OLFM1: variants seen among roughly 807,000 people sequenced by gnomAD.
OLFM1 encodes noelin.
Under a neutral mutation model 49.7 loss-of-function variants are expected in OLFM1, and 9 were observed. The ratio of observed to expected loss-of-function variants is 0.18; its 90% CI spans 0.11 to 0.32. The LOEUF is 0.32. Ranked by LOEUF, OLFM1 falls within the 10% of genes least tolerant of loss-of-function variation. OLFM1 has a pLI of 1.00. For missense variants in OLFM1, 369 were observed against 661.8 expected (o/e 0.56, Z 4.85); for synonymous variants, 240 against 271.8 (o/e 0.88, Z 1.15).
chr9:135,079,073 T>C (rs1830501898), intron 1 of OLFM1, among the ~76,000 whole-genome samples: 1 of 152,216 alleles, frequency 6.6e-6, no homozygotes, highest in South Asian at 2.1e-4. Flanking sequence ...ACTCGGTCAA[T>C]TCTGGGCTTA....
chr9:135,111,644 G>A (rs997086066), intron 5 of OLFM1, among the ~76,000 whole-genome samples: 3 of 152,192 alleles, frequency 2.0e-5, no homozygotes, highest in African/African-American at 7.2e-5. Flanking sequence ...GCTGGGCACA[G>A]AGGTTCGGAG....
upstream of OLFM1, chr9:135,086,815 G>T (rs913906028): frequency 4.4e-5 from 19 of 434,118 alleles, no homozygotes; most frequent in African/African-American, 2.6e-4. Context: ...TGACTCGAGC[G>T]CCACCCCTGA....
chr9:135,101,699 G>A (rs565280187), intron 4 of OLFM1, among the ~76,000 whole-genome samples: 68 of 152,186 alleles, frequency 4.5e-4, no homozygotes, highest in Non-Finnish European at 7.8e-4. Flanking sequence ...TGAGCTGGGC[G>A]TGGGGCCCTC....
At chr9:135,077,614 C>T (rs1461397688) in intron 1 of OLFM1, among the ~76,000 whole-genome samples, 4 of 152,194 alleles carry the variant, frequency 2.6e-5, no homozygotes, top group Admixed American at 2.6e-4. Flanking sequence ...GCTCCGCCAG[C>T]CCACAGCCTC....
intron 1 of OLFM1, chr9:135,075,880 C>T: frequency 7.0e-7 from 1 of 1,436,748 alleles, no homozygotes; most frequent in Admixed American, 2.2e-5. Flanking sequence ...AGTCCGGGAA[C>T]GGCTCTGGCT....
chr9:135,087,822 C>A lies in OLFM1; in HGVS notation c.-168C>A. 2 of 884,478 alleles carry A rather than the reference C, an allele frequency of 2.3e-6. No homozygotes were observed. Among genetic ancestry groups the A allele is most frequent in the Non-Finnish European group, 2.7e-6 (2 of 740,568 alleles). The allele number at this position is 884,478 out of a possible 1,614,324, so 54.8% of individuals were successfully genotyped here. A position where few individuals can be genotyped will look rare whatever the true frequency, so the allele number is the denominator to read the frequency against. The stretch of plus-strand genomic sequence containing the variant: ...GCGCCCGGGGAAGGCGCGGCGATGG[C>A]CGGGGCGCGCGGGGCGGCGGCGGCG... On this transcript the variant is annotated 5_prime_UTR_variant, in exon 1 of 6. Transcript: ENST00000371793.
At chr9:135,075,745 G>A (rs968319848) in exon 1 of OLFM1, 8 of 1,605,644 alleles carry the variant, frequency 5.0e-6, no homozygotes, top group Non-Finnish European at 6.8e-6. Context: ...ACATGCACCC[G>A]GCCCGGAAGC....
chr9:135,077,254 G>C (rs1830480556), intron 1 of OLFM1: 1 of 1,460,628 alleles, frequency 6.8e-7, no homozygotes, highest in Non-Finnish European at 9.1e-7. Context: ...GGCTATGCCT[G>C]TGTCTTATTG....
chr9:135,108,985 G>C (rs1445236890), intron 5 of OLFM1, among the ~76,000 whole-genome samples: 2 of 152,022 alleles, frequency 1.3e-5, no homozygotes, highest in Non-Finnish European at 2.9e-5. Context: ...CCACTATGCA[G>C]AGCAGGAAAA....
At position 135,090,284 on chromosome 9, in the gene OLFM1, A is replaced by G; in HGVS notation, c.240A>G (p.Pro80=). Residue 80 remains proline, a synonymous_variant, in exon 2 of 6, where the codon CCA becomes CCG. Transcript: ENST00000371793. ...EGRCICTVVA[P]QQTMCSRDAR... The stretch of plus-strand genomic sequence containing the variant: ...GGTGTATCTGCACAGTGGTCGCTCC[A>G]CAGCAGACCATGTGTTCACGGGATG... 1 of 1,614,064 alleles carries G rather than the reference A, an allele frequency of 6.2e-7. No homozygotes were observed. Among genetic ancestry groups the G allele is most frequent in the Non-Finnish European group, 8.5e-7 (1 of 1,180,024 alleles).
At chr9:135,087,625 C>G, upstream of OLFM1, 1 of 638,680 alleles carries the variant, frequency 1.6e-6, no homozygotes, top group Non-Finnish European at 2.2e-6. Context: ...GGCCGAGCCC[C>G]GCCTCCCGGC....
At chr9:135,112,526 GCTTGGGGCCCAGC>G in intron 5 of OLFM1, among the ~76,000 whole-genome samples, 1 of 152,322 alleles carries the variant, frequency 6.6e-6, no homozygotes, top group East Asian at 1.9e-4. Context: ...CCTTGATGGA[GCTTGGGGCCCAGC>G]CTTGGGGCTC....
intron 1 of OLFM1, among the ~76,000 whole-genome samples, chr9:135,082,264 G>C (rs900190270): frequency 6.6e-6 from 1 of 152,218 alleles, no homozygotes; most frequent in Non-Finnish European, 1.5e-5. Context: ...TCCACATTCA[G>C]ATCAGCAGTT....
chr9:135,116,412 T>A (rs11791279), intron 5 of OLFM1, among the ~76,000 whole-genome samples: 22,797 of 151,972 alleles, frequency 0.15, 1,930 homozygotes, highest in African/African-American at 0.23. Flanking sequence ...TCCTGTGTCA[T>A]TTTGCTGGTG....
At position 135,120,701 on chromosome 9, in the gene OLFM1, C is replaced by G. The variant is rs1831174859; in HGVS notation, c.*523C>G. Reference sequence around the variant, plus strand: ...CTGAGGCTCCACATAGCTCCTGGACCTGTGTCTAGTACATACTGAAGCGAT... The same window carrying G: ...CTGAGGCTCCACATAGCTCCTGGACGTGTGTCTAGTACATACTGAAGCGAT... On this transcript the variant is annotated 3_prime_UTR_variant, in exon 6 of 6. Transcript: ENST00000371793. The G allele has an allele frequency of 3.6e-5, 6 of 167,786 alleles. No individual in the cohort carries two copies. Among genetic ancestry groups the G allele is most frequent in the Admixed American group, 3.4e-4 (6 of 17,664 alleles). 10.4% of individuals were successfully genotyped at this position (167,786 alleles called of 1,614,324 possible).
At position 135,120,560 on chromosome 9, in the gene OLFM1, T is replaced by C; in HGVS notation, c.*382T>C. ...TTAGATCGTGGTCAGCTCCGAGGAATGTGGCGTCCAGGCTCTTTGAGAGCC... is the reference window on the plus strand; with the variant it reads ...TTAGATCGTGGTCAGCTCCGAGGAACGTGGCGTCCAGGCTCTTTGAGAGCC... On this transcript the variant is annotated 3_prime_UTR_variant, in exon 6 of 6. Transcript: ENST00000371793. 4.4e-6 allele frequency: 1 copy of C among 226,610 alleles called. No individual in the cohort carries two copies. Among genetic ancestry groups the C allele is most frequent in the Admixed American group, 5.2e-5 (1 of 19,220 alleles). The allele number at this position is 226,610 out of a possible 1,614,324, so 14.0% of individuals were successfully genotyped here.
intron 5 of OLFM1, among the ~76,000 whole-genome samples, chr9:135,107,641 C>G (rs534973965): frequency 2.6e-5 from 4 of 152,212 alleles, no homozygotes; most frequent in African/African-American, 7.2e-5. Flanking sequence ...GCTTCGCTGT[C>G]CCTTGATTTG....
At chr9:135,077,056 G>T (rs1463270229) in intron 1 of OLFM1, 9 of 1,458,614 alleles carry the variant, frequency 6.2e-6, no homozygotes, top group Middle Eastern at 1.7e-4. Flanking sequence ...GAGAGGTTCT[G>T]CATGGCCTCT....
At chr9:135,118,789 C>T (rs1394221813) in intron 5 of OLFM1, among the ~76,000 whole-genome samples, 7 of 145,826 alleles carry the variant, frequency 4.8e-5, no homozygotes, top group Admixed American at 2.0e-4. Context: ...TTGGAGTGCT[C>T]GCCGTGTCTT....
Sources: allele counts gnomAD v4.1 joint callset (sites outside exome capture counted in the v4.1 genomes callset), GRCh38; gene constraint gnomAD v4.1.1; transcripts MANE v1.5; gene names NCBI Gene and HGNC (gene_info 2026-07-23, HGNC 2026-07-21).